The following ADAMTSL1 variants were observed in gnomAD, a reference collection of about 807,000 sequenced individuals.
ADAMTSL1 encodes ADAMTS-like protein 1.
In ADAMTSL1, 126 loss-of-function variants were observed where a neutral mutation model predicts 201.8. That is an observed-to-expected ratio of 0.62 (90% CI 0.54 to 0.72). The LOEUF is 0.72. Among genes scored for constraint, ADAMTSL1 ranks in the 30% least tolerant of loss-of-function variants. The pLI is 0.00. For missense variants in ADAMTSL1, 2,679 were observed against 2,277.8 expected (o/e 1.18, Z -3.59); for synonymous variants, 1,121 against 903.4 (o/e 1.24, Z -4.32).
In ADAMTSL1 at chr9:18,680,325, C is replaced by T. The variant is rs1433762000; in HGVS notation, c.1150C>T (p.Pro384Ser). ...YHPLPRWEATPWTACSSSCGG... is the reference protein window; with the variant it reads ...YHPLPRWEATSWTACSSSCGG... ...TTGCTTCTGTAGGTGGGAGGCCACC[C>T]CATGGACCGCGTGCTCCTCCTCGTG... Residue 384 changes from proline to serine, a missense_variant, in exon 11 of 29, where the codon CCA becomes TCA. Coordinates refer to ENST00000380548, the MANE Select transcript of ADAMTSL1 (RefSeq NM_001040272.6). 1 of 1,614,110 alleles carries T rather than the reference C, an allele frequency of 6.2e-7. No homozygotes were observed. The highest frequency in any genetic ancestry group is 8.5e-7 in the Non-Finnish European group (1 of 1,180,014).
chr9:18,664,098 T>TA (rs1184828548), intron 9 of ADAMTSL1, among the ~76,000 whole-genome samples: 3 of 152,160 alleles, frequency 2.0e-5, no homozygotes, highest in Non-Finnish European at 2.9e-5. Flanking sequence ...TGCTTTTTTT[T>TA]ATTGAAGAAG....
intron 5 of ADAMTSL1, chr9:18,622,689 T>C (rs1300939551): frequency 2.0e-5 from 10 of 508,452 alleles, no homozygotes; most frequent in South Asian, 3.4e-5. Flanking sequence ...TCCTGCGTGA[T>C]GTGTAGTGTG....
In ADAMTSL1 at chr9:18,633,259, A is replaced by G. The variant is rs556306024; in HGVS notation, c.602-2684A>G. ...TGCTTTGAGTTTCTTTTGCAAACTTAAAAAGTCATGTCTTTATGCAAGGCG... is the reference window on the plus strand; with the variant it reads ...TGCTTTGAGTTTCTTTTGCAAACTTGAAAAGTCATGTCTTTATGCAAGGCG... On this transcript the variant is annotated intron_variant, in intron 5 of 28. Coordinates refer to ENST00000380548, the MANE Select transcript of ADAMTSL1 (RefSeq NM_001040272.6). 3.9e-5 allele frequency among the ~76,000 whole-genome samples: 6 copies of G among 152,310 alleles called. 1 individual carries two copies. The highest frequency in any genetic ancestry group is 1.4e-4 in the African/African-American group (6 of 41,574).
At chr9:17,945,762 A>G (rs1363236030) in intron 1 of ADAMTSL1, among the ~76,000 whole-genome samples, 2 of 145,292 alleles carry the variant, frequency 1.4e-5, no homozygotes, top group Non-Finnish European at 3.0e-5. Context: ...TGGGAATTGA[A>G]CAATGAGAAC....
chr9:18,460,114 CATT>C (rs1820754075), intron 2 of ADAMTSL1, among the ~76,000 whole-genome samples: 1 of 152,108 alleles, frequency 6.6e-6, no homozygotes, highest in Non-Finnish European at 1.5e-5. Flanking sequence ...TGCAGAAGTG[CATT>C]GTTTTGATGC....
intron 10 of ADAMTSL1, among the ~76,000 whole-genome samples, chr9:18,679,845 T>C (rs1014104900): frequency 2.0e-5 from 3 of 151,984 alleles, no homozygotes; most frequent in Admixed American, 2.0e-4. Flanking sequence ...AAAAAATACC[T>C]AGAAGTTAAG....
At chr9:18,006,017 A>G (rs1028072634) in intron 1 of ADAMTSL1, among the ~76,000 whole-genome samples, 6 of 151,976 alleles carry the variant, frequency 3.9e-5, no homozygotes, top group South Asian at 2.1e-4. Flanking sequence ...AAACTACACA[A>G]TGGTAAAGTA....
At chr9:18,476,798 C>A (rs532180779) in intron 1 of ADAMTSL1, among the ~76,000 whole-genome samples, 1 of 152,202 alleles carries the variant, frequency 6.6e-6, no homozygotes, top group East Asian at 1.9e-4. Context: ...GTGGCAAGCC[C>A]AGTTTCTACC....
At chr9:18,445,406 A>T (rs999271711) in intron 2 of ADAMTSL1, among the ~76,000 whole-genome samples, 1 of 152,158 alleles carries the variant, frequency 6.6e-6, no homozygotes, top group Admixed American at 6.5e-5. Flanking sequence ...GTTCACCTAC[A>T]TTCCTACATA....
chr9:18,805,741 T>A (rs995296763), intron 20 of ADAMTSL1, among the ~76,000 whole-genome samples: 3 of 152,232 alleles, frequency 2.0e-5, no homozygotes, highest in Non-Finnish European at 4.4e-5. Context: ...TCAGCCCTTA[T>A]GAATGTAACT....
At position 18,687,784 on chromosome 9, in the gene ADAMTSL1, T is replaced by C. The variant is rs546680734; in HGVS notation, c.1574+2984T>C. Among the ~76,000 whole-genome samples, 344 of 152,200 alleles carry C rather than the reference T, an allele frequency of 2.3e-3. 2 individuals are homozygous for C. The highest frequency in any genetic ancestry group is 8.1e-3 in the African/African-American group (336 of 41,544). On this transcript the variant is annotated intron_variant, in intron 13 of 28. Coordinates refer to ENST00000380548, the MANE Select transcript of ADAMTSL1 (RefSeq NM_001040272.6). Reference sequence around the variant, plus strand: ...CTTTAAGATGTTTAGAAGAAAACAATGATAAAAGACTAAAAACTGAATTGC... The same window carrying C: ...CTTTAAGATGTTTAGAAGAAAACAACGATAAAAGACTAAAAACTGAATTGC...
intron 2 of ADAMTSL1, among the ~76,000 whole-genome samples, chr9:18,512,221 C>T (rs1334949841): frequency 6.6e-6 from 1 of 152,080 alleles, no homozygotes; most frequent in Non-Finnish European, 1.5e-5. Flanking sequence ...TATTTCAGGT[C>T]ATATATCTTA....
chr9:17,939,185 A>T (rs1370971147), intron 1 of ADAMTSL1, among the ~76,000 whole-genome samples: 1 of 151,982 alleles, frequency 6.6e-6, no homozygotes. Flanking sequence ...TTTATCTCCA[A>T]ACCATTTTTA....
At chr9:18,582,690 A>G (rs1355695358) in intron 4 of ADAMTSL1, among the ~76,000 whole-genome samples, 2 of 151,898 alleles carry the variant, frequency 1.3e-5, no homozygotes, top group African/African-American at 4.8e-5. Flanking sequence ...CTACTTAAAA[A>G]TACAAAATAT....
At chr9:18,694,551 C>T (rs563905107) in intron 13 of ADAMTSL1, among the ~76,000 whole-genome samples, 2 of 152,118 alleles carry the variant, frequency 1.3e-5, no homozygotes, top group African/African-American at 2.4e-5. Context: ...AGTCAGAAAC[C>T]CAGCAGGGCG....
intron 23 of ADAMTSL1, among the ~76,000 whole-genome samples, chr9:18,869,435 A>C (rs1481154700): frequency 6.6e-6 from 1 of 152,194 alleles, no homozygotes; most frequent in Non-Finnish European, 1.5e-5. Context: ...ACAGTCCTCT[A>C]GTTTCTGTTG....
At chr9:18,105,059 G>A (rs181905671) in intron 1 of ADAMTSL1, among the ~76,000 whole-genome samples, 1 of 152,136 alleles carries the variant, frequency 6.6e-6, no homozygotes, top group Non-Finnish European at 1.5e-5. Context: ...ATAATCCATG[G>A]GAGAGAGTAG....
intron 23 of ADAMTSL1, among the ~76,000 whole-genome samples, chr9:18,842,359 TC>T (rs1432337399): frequency 6.6e-6 from 1 of 152,206 alleles, no homozygotes; most frequent in East Asian, 1.9e-4. Context: ...TGAGTGAGTT[TC>T]TTAATCCTGA....
At chr9:18,556,811 TA>T (rs1211953728) in intron 3 of ADAMTSL1, among the ~76,000 whole-genome samples, 1 of 152,044 alleles carries the variant, frequency 6.6e-6, no homozygotes, top group Non-Finnish European at 1.5e-5. Context: ...TCACTTTAAT[TA>T]AAATTATATT....
Sources: gnomAD v4.1 joint callset for allele counts (sites outside exome capture counted in the v4.1 genomes callset) on GRCh38, gnomAD v4.1.1 for gene constraint, MANE v1.5 for transcripts, NCBI Gene and HGNC (gene_info 2026-07-23, HGNC 2026-07-21) for gene names.